The following MR1 variants were observed in gnomAD, a reference collection of about 807,000 sequenced individuals.
MR1 encodes the protein major histocompatibility complex class I-related protein 1.
In MR1, 44 loss-of-function variants were observed where a neutral mutation model predicts 37.8. The observed-to-expected ratio is 1.16, with a 90% CI of 0.91 to 1.50. The LOEUF (loss-of-function observed/expected upper bound fraction) is 1.50, where lower values mean the gene tolerates loss of function less well. MR1 is among the 40% of genes most tolerant of loss of function. MR1 has a pLI of 0.00. For missense variants in MR1, 386 were observed against 419.1 expected, an observed-to-expected ratio of 0.92 and a Z score of 0.69; for synonymous variants, 153 against 155.8, an observed-to-expected ratio of 0.98 and a Z score of 0.13.
At chr1:181,045,992 G>A (rs1270692864) in intron 1 of MR1, among the ~76,000 whole-genome samples, 1 of 152,240 alleles carries the variant, frequency 6.6e-6, no homozygotes, top group Non-Finnish European at 1.5e-5. Context: ...TGCGGAGGGT[G>A]TACTGGGTCC....
At chr1:181,040,529 A>G (rs1450476280) in intron 1 of MR1, among the ~76,000 whole-genome samples, 3 of 152,200 alleles carry the variant, frequency 2.0e-5, no homozygotes, top group Non-Finnish European at 4.4e-5. Context: ...TTAAAGGCCC[A>G]GCTAAGGAGC....
intron 1 of MR1, among the ~76,000 whole-genome samples, chr1:181,034,411 G>A (rs1657165886): frequency 6.6e-6 from 1 of 152,106 alleles, no homozygotes; most frequent in African/African-American, 2.4e-5. Flanking sequence ...AGAGTCTCAT[G>A]AGGATGTAGT....
chr1:181,044,924 G>A (rs531978606), intron 1 of MR1, among the ~76,000 whole-genome samples: 45 of 152,344 alleles, frequency 3.0e-4, no homozygotes, highest in African/African-American at 1.0e-3. Flanking sequence ...GCTGAGGGCC[G>A]GGGACTGGAG....
Position 181,050,201 on chromosome 1 carries a change from G to T in MR1, c.519G>T (p.Leu173=). The part of the protein sequence containing the change: ...QAWEANQHEL[L]YQKNWLEEEC... ...GGGAGGCCAATCAGCATGAGTTGCT[G>T]TATCAAAAGAATTGGCTGGAAGAAG... is the stretch of plus-strand genomic sequence containing the variant. The change falls in exon 3 of 6, where the codon CTG becomes CTT. Residue 173 remains leucine (L), a synonymous_variant. Transcript: ENST00000367580. The T allele has an allele frequency of 6.2e-7, 1 of 1,614,240 alleles. No homozygotes were observed. Among genetic ancestry groups the T allele is most frequent in the Non-Finnish European group, 8.5e-7 (1 of 1,180,044 alleles).
At position 181,052,277 on chromosome 1, in the gene MR1, G is replaced by A. The variant is rs1346581150; in HGVS notation, c.647G>A (p.Gly216Glu). Reference protein sequence around the residue: ...VRVNRKETFPGVTALFCKAHG... With the variant: ...VRVNRKETFPEVTALFCKAHG... ...GTAAATCGCAAAGAAACTTTTCCAG[G>A]GGTTACAGCTCTCTTCTGCAAAGCT... Residue 216 changes from glycine to glutamate, a missense_variant, in exon 4 of 6, where the codon GGG (glycine) becomes GAG (glutamate). Physicochemically the swap from Gly to Glu is moderately conservative, Grantham distance 98. Transcript: ENST00000367580. 1.4e-5 allele frequency: 23 copies of A among 1,614,098 alleles called. No homozygotes were observed. Among genetic ancestry groups the A allele is most frequent in the Non-Finnish European group, 1.9e-5 (23 of 1,180,012 alleles).
chr1:181,035,869 TAAAAC>T (rs1173019812), intron 1 of MR1, among the ~76,000 whole-genome samples: 5 of 152,052 alleles, frequency 3.3e-5, no homozygotes, highest in Admixed American at 3.3e-4. Context: ...GGACAGGAAA[TAAAAC>T]AAGTAAGTTA....
intron 1 of MR1, among the ~76,000 whole-genome samples, chr1:181,037,901 T>C (rs1657357593): frequency 6.6e-6 from 1 of 152,214 alleles, no homozygotes; most frequent in South Asian, 2.1e-4. Flanking sequence ...GCTCACTTTC[T>C]TACTCCATTC....
At chr1:181,054,349 A>G (rs1056502301) in intron 5 of MR1, among the ~76,000 whole-genome samples, 5 of 152,186 alleles carry the variant, frequency 3.3e-5, no homozygotes, top group African/African-American at 9.6e-5. Flanking sequence ...AGAGCTTACA[A>G]TAGAGCCTGG....
At chr1:181,034,404 G>A (rs1307560917) in intron 1 of MR1, among the ~76,000 whole-genome samples, 1 of 152,036 alleles carries the variant, frequency 6.6e-6, no homozygotes, top group African/African-American at 2.4e-5. Context: ...AACTTCCAGA[G>A]TCTCATGAGG....
rs903141610 is a variant in MR1, at chr1:181,057,045, A to C, written c.*1780A>C. 4 of 151,272 alleles carry C rather than the reference A, an allele frequency of 2.6e-5. No individual in the cohort carries two copies. The highest frequency in any genetic ancestry group is 9.7e-5 in the African/African-American group (4 of 41,048). The allele number at this position is 151,272 out of a possible 1,614,324, so 9.4% of individuals were successfully genotyped here. A position where few individuals can be genotyped will look rare whatever the true frequency, so the allele number is the denominator to read the frequency against. The stretch of plus-strand genomic sequence containing the variant: ...TAAGGCAGGAGAATCACTTGAATCT[A>C]TAAGGCAGAGGTGGCAGTGAGCCGA... On this transcript the variant is annotated 3_prime_UTR_variant, in exon 6 of 6. Coordinates refer to ENST00000367580, the MANE Select transcript of MR1 (RefSeq NM_001385161.1).
At position 181,055,407 on chromosome 1, in the gene MR1, C is replaced by A; in HGVS notation, c.*142C>A. On this transcript the variant is annotated 3_prime_UTR_variant, in exon 6 of 6. Coordinates refer to ENST00000367580, the MANE Select transcript of MR1 (RefSeq NM_001385161.1). ...TAATGGGATTGAGCATTTATGGCAG[C>A]AACAGAGGAGCCACAAAATGTTCTT... 1 of 711,462 alleles carries A rather than the reference C, an allele frequency of 1.4e-6. No homozygotes were observed. Among genetic ancestry groups the A allele is most frequent in the Non-Finnish European group, 2.4e-6 (1 of 417,452 alleles). 44.1% of individuals were successfully genotyped at this position (711,462 alleles called of 1,614,324 possible).
At position 181,058,590 on chromosome 1, in the gene MR1, AT is replaced by A. The variant is rs1326803940; in HGVS notation, c.*3326del. 6.6e-6 allele frequency: 1 copy of A among 152,146 alleles called. No individual in the cohort carries two copies. The highest frequency in any genetic ancestry group is 6.5e-5 in the Admixed American group (1 of 15,270). The allele number at this position is 152,146 out of a possible 1,614,324, so 9.4% of individuals were successfully genotyped here. A position where few individuals can be genotyped will look rare whatever the true frequency, so the allele number is the denominator to read the frequency against. On this transcript the variant is annotated 3_prime_UTR_variant, in exon 6 of 6. Coordinates refer to ENST00000367580, the MANE Select transcript of MR1 (RefSeq NM_001385161.1). ...GTGATCCTTTCCTTATTTCTGAGGAATGACTTGGTTTCTCCTCTTCTTTTTT... is the reference window on the plus strand; with the variant it reads ...GTGATCCTTTCCTTATTTCTGAGGAAGACTTGGTTTCTCCTCTTCTTTTTT...
chr1:181,034,792 G>T (rs1301219898), intron 1 of MR1, among the ~76,000 whole-genome samples: 7 of 152,158 alleles, frequency 4.6e-5, no homozygotes, highest in Admixed American at 1.3e-4. Flanking sequence ...ATGAGAGGAA[G>T]GAGTTCTTTC....
chr1:181,055,744 G>C lies in MR1; in HGVS notation c.*479G>C. 1 of 165,558 alleles carries C rather than the reference G, an allele frequency of 6.0e-6. No individual in the cohort carries two copies. Among genetic ancestry groups the C allele is most frequent in the South Asian group, 1.6e-4 (1 of 6,162 alleles). The allele number at this position is 165,558 out of a possible 1,614,324, so 10.3% of individuals were successfully genotyped here. ...TCATGGGAACATTTATTGTACAAGC[G>C]CTTTGAATATCATGGGCACCATGAC... On this transcript the variant is annotated 3_prime_UTR_variant, in exon 6 of 6. Transcript: ENST00000367580.
rs1658042560 is a variant in MR1 at position 181,048,368 on chromosome 1, T to C, written c.68-684T>C. On this transcript the variant is annotated intron_variant, in intron 1 of 5. Transcript: ENST00000367580. ...GGCCAACATGATGAAACACTGACTC[T>C]ACTAAAACTACAAAAAATTAGCCAG... Among the ~76,000 whole-genome samples, 3 of 151,776 alleles carry C rather than the reference T, an allele frequency of 2.0e-5. No individual in the cohort carries two copies. In the South Asian group the frequency reaches 6.2e-4, roughly 31 times the overall value.
chr1:181,048,793 G>A (rs1658090760), intron 1 of MR1, among the ~76,000 whole-genome samples: 1 of 152,222 alleles, frequency 6.6e-6, no homozygotes, highest in South Asian at 2.1e-4. Flanking sequence ...TTGTCTACAA[G>A]TTGAGATTAC....
In MR1 at chr1:181,050,057, T is replaced by C; in HGVS notation, c.375T>C (p.Asp125=). ...TGATTGGCTGTGAGCTGCTGGAGGA[T>C]GGAAGCACCACAGGATTTCTGCAGT... is the stretch of plus-strand genomic sequence containing the variant. ...QRMIGCELLE[D]GSTTGFLQYA... is the part of the protein sequence containing the mutation. The change falls in exon 3 of 6, where the codon GAT becomes GAC. Residue 125 remains aspartate, a synonymous_variant. Transcript: ENST00000367580. 4 of 1,613,580 alleles carry C rather than the reference T, an allele frequency of 2.5e-6. No individual in the cohort carries two copies. Among genetic ancestry groups the C allele is most frequent in the Non-Finnish European group, 3.4e-6 (4 of 1,180,038 alleles).
intron 2 of MR1, 191 bp downstream of exon 2, chr1:181,049,503 G>A (rs1658162263): frequency 3.0e-6 from 2 of 658,500 alleles, no homozygotes; most frequent in South Asian, 4.0e-5. Flanking sequence ...CTCTCCCCCA[G>A]GAGCACTCTG....
rs539814827 is a variant in MR1, at chr1:181,061,645, A to T, written c.*6380A>T. ...GTGTTTATTTATGGAAATCTATTTT[A>T]AAAATTTTATGTAATACTGCACAGT... is the stretch of plus-strand genomic sequence containing the variant. On this transcript the variant is annotated 3_prime_UTR_variant, in exon 6 of 6. Transcript: ENST00000367580. 6 of 152,378 alleles carry T rather than the reference A, an allele frequency of 3.9e-5. No individual in the cohort carries two copies. Among genetic ancestry groups the T allele is most frequent in the African/African-American group, 1.4e-4 (6 of 41,594 alleles). The allele number at this position is 152,378 out of a possible 1,614,324, so 9.4% of individuals were successfully genotyped here.
Sources: gnomAD v4.1 joint callset for allele counts (sites outside exome capture counted in the v4.1 genomes callset) on GRCh38, gnomAD v4.1.1 for gene constraint, MANE v1.5 for transcripts, NCBI Gene and HGNC (gene_info 2026-07-23, HGNC 2026-07-21) for gene names.